GRM3: variants seen among roughly 807,000 people sequenced by gnomAD.
GRM3 encodes glutamate metabotropic receptor 3.
GRM3 carries 26 observed loss-of-function variants against 70.5 expected under a neutral mutation model. That is an observed-to-expected ratio of 0.37 (90% CI 0.27 to 0.51). GRM3 has a LOEUF of 0.51. GRM3 is among the 20% of genes least tolerant of loss of function. GRM3 has a pLI of 0.93. For missense variants in GRM3, 859 were observed against 1,123.8 expected, an observed-to-expected ratio of 0.76 and a Z score of 3.37; for synonymous variants, 443 against 434.9, an observed-to-expected ratio of 1.02 and a Z score of -0.23.
At chr7:86,767,057 A>T (rs1288196220) in intron 2 of GRM3, among the ~76,000 whole-genome samples, 1 of 151,962 alleles carries the variant, frequency 6.6e-6, no homozygotes, top group Non-Finnish European at 1.5e-5. Flanking sequence ...TCAAAAATAC[A>T]AAACATTAGC....
chr7:86,667,100 G>A (rs949759878), intron 1 of GRM3, among the ~76,000 whole-genome samples: 4 of 152,102 alleles, frequency 2.6e-5, no homozygotes, highest in Non-Finnish European at 4.4e-5. Context: ...TCAAAGACTT[G>A]TGGATCTTCT....
At chr7:86,785,821 A>C (rs1359829590) in intron 2 of GRM3, among the ~76,000 whole-genome samples, 1 of 150,012 alleles carries the variant, frequency 6.7e-6, no homozygotes, top group Non-Finnish European at 1.5e-5. Context: ...AAGAGGGGGA[A>C]GTGAGAATTA....
chr7:86,786,003 A>C lies in GRM3; in HGVS notation c.469-258A>C, dbSNP rs1797229237. 2 of 439,860 alleles carry C rather than the reference A, an allele frequency of 4.5e-6. No individual in the cohort carries two copies. Among genetic ancestry groups the C allele is most frequent in the Admixed American group, 7.3e-5 (2 of 27,420 alleles). 27.2% of individuals were successfully genotyped at this position (439,860 alleles called of 1,614,324 possible). A position where few individuals can be genotyped will look rare whatever the true frequency, so the allele number is the denominator to read the frequency against. ...GAGTCTAGCACAGAGTATAGAAGAG[A>C]GTGTGGTGCCCTTCTCATTTCTCTA... On this transcript the variant is annotated intron_variant, in intron 2 of 5. Coordinates refer to ENST00000361669, the MANE Select transcript of GRM3 (RefSeq NM_000840.3). This position sits in a 1 kb window ranked among gnomAD's most constrained non-coding sequence, Gnocchi z 6.0.
intron 3 of GRM3, among the ~76,000 whole-genome samples, chr7:86,787,839 T>A (rs1008100428): frequency 6.6e-6 from 1 of 152,230 alleles, no homozygotes; most frequent in Non-Finnish European, 1.5e-5. Context: ...AAAGTGATTT[T>A]TGCTGCCTCT....
chr7:86,755,865 C>T (rs1342736236), intron 1 of GRM3, among the ~76,000 whole-genome samples: 2 of 151,976 alleles, frequency 1.3e-5, no homozygotes, highest in East Asian at 3.9e-4. Flanking sequence ...GGTAGTGGAA[C>T]TTTTCTCACT....
chr7:86,706,980 T>C lies in GRM3; in HGVS notation c.-140-58026T>C, dbSNP rs1037619919. On this transcript the variant is annotated intron_variant, in intron 1 of 5. Coordinates refer to ENST00000361669, the MANE Select transcript of GRM3 (RefSeq NM_000840.3). Reference sequence around the variant, plus strand: ...TCAGTGAACGTTATAACATCGAACATATCTCTGCTGCTTTTTAAAATTTTC... The same window carrying C: ...TCAGTGAACGTTATAACATCGAACACATCTCTGCTGCTTTTTAAAATTTTC... Among the ~76,000 whole-genome samples the C allele has an allele frequency of 4.6e-5, 7 of 152,242 alleles. No individual in the cohort carries two copies. The South Asian group carries it at 1.2e-3, about 27-fold the overall frequency.
intron 1 of GRM3, among the ~76,000 whole-genome samples, chr7:86,717,129 A>G (rs905090276): frequency 6.6e-6 from 1 of 151,984 alleles, no homozygotes; most frequent in African/African-American, 2.4e-5. Context: ...GTCCCATTAT[A>G]AAATGCATCA....
At chr7:86,700,967 G>T (rs1794934748) in intron 1 of GRM3, among the ~76,000 whole-genome samples, 1 of 151,816 alleles carries the variant, frequency 6.6e-6, no homozygotes, top group African/African-American at 2.4e-5. Context: ...TTTAATGAAA[G>T]TCTAAATTTA....
intron 2 of GRM3, among the ~76,000 whole-genome samples, chr7:86,778,182 T>A (rs991066202): frequency 6.6e-6 from 1 of 152,228 alleles, no homozygotes; most frequent in South Asian, 2.1e-4. Context: ...ATGGTTTATT[T>A]TTTAAATGTA....
intron 1 of GRM3, among the ~76,000 whole-genome samples, chr7:86,653,883 G>A (rs140024904): frequency 1.1e-4 from 17 of 152,100 alleles, no homozygotes; most frequent in Admixed American, 4.6e-4. Flanking sequence ...AACTCTCCTC[G>A]ATTTGAATAA....
chr7:86,795,298 ATTTTATTTTATTTTATTT>A (rs1797523151), intron 3 of GRM3, among the ~76,000 whole-genome samples: 2 of 149,594 alleles, frequency 1.3e-5, no homozygotes, highest in South Asian at 4.2e-4. Flanking sequence ...ATTTTATTTT[ATTTTATTTTATTTTATTT>A]TATGTTCCAG....
At chr7:86,823,604 T>TGG (rs1798169952) in intron 3 of GRM3, among the ~76,000 whole-genome samples, 2 of 118,186 alleles carry the variant, frequency 1.7e-5, no homozygotes, top group Non-Finnish European at 1.8e-5. Context: ...TTTTTTTTTT[T>TGG]TGGCGGGGGG....
At chr7:86,680,010 G>T (rs187415168) in intron 1 of GRM3, among the ~76,000 whole-genome samples, 1 of 152,190 alleles carries the variant, frequency 6.6e-6, no homozygotes, top group African/African-American at 2.4e-5. Flanking sequence ...TCAAAATATA[G>T]ACTTGTCCTT....
At chr7:86,823,736 C>A (rs984780393) in intron 3 of GRM3, among the ~76,000 whole-genome samples, 4 of 151,794 alleles carry the variant, frequency 2.6e-5, no homozygotes, top group Non-Finnish European at 4.4e-5. Flanking sequence ...AATTTCAATT[C>A]TTGTTAACAA....
At chr7:86,783,291 T>G (rs995484180) in intron 2 of GRM3, among the ~76,000 whole-genome samples, 17 of 152,296 alleles carry the variant, frequency 1.1e-4, no homozygotes, top group African/African-American at 4.1e-4. Flanking sequence ...AGCCTCAGGT[T>G]TATAGTCACA....
Position 86,839,431 on chromosome 7 carries a change from C to G in GRM3, c.1917C>G (p.Val639=), listed in dbSNP as rs1412492847. 1 of 1,613,910 alleles carries G rather than the reference C, an allele frequency of 6.2e-7. No homozygotes were observed. The highest frequency in any genetic ancestry group is 1.3e-5 in the African/African-American group (1 of 75,034). ...TCTTCATTGCCAAGCCATCACCAGT[C>G]ATCTGTGCATTGCGCCGACTCGGGC... ...TFFFIAKPSP[V]ICALRRLGLG... is the part of the protein sequence containing the mutation. Residue 639 remains valine (V), a synonymous_variant, in exon 4 of 6, where the codon GTC becomes GTG. Transcript: ENST00000361669. This position sits in a 1 kb window ranked among gnomAD's most constrained non-coding sequence, Gnocchi z 4.5.
intron 2 of GRM3, among the ~76,000 whole-genome samples, chr7:86,771,385 A>G (rs1237718901): frequency 6.6e-6 from 1 of 152,096 alleles, no homozygotes; most frequent in Admixed American, 6.6e-5. Flanking sequence ...AGTCCAGTCA[A>G]TTGTTATTTC....
At chr7:86,810,069 T>C (rs901135086) in intron 3 of GRM3, among the ~76,000 whole-genome samples, 1 of 152,032 alleles carries the variant, frequency 6.6e-6, no homozygotes, top group Admixed American at 6.6e-5. Flanking sequence ...TAGTAAACTC[T>C]AATGATCCTC....
At chr7:86,751,116 G>T (rs570527901) in intron 1 of GRM3, among the ~76,000 whole-genome samples, 5 of 152,004 alleles carry the variant, frequency 3.3e-5, no homozygotes, top group South Asian at 2.1e-4. Context: ...AGGTATCACC[G>T]TGGGCAAGAC....
Sources: allele counts gnomAD v4.1 joint callset (sites outside exome capture counted in the v4.1 genomes callset), GRCh38; gene constraint gnomAD v4.1.1; non-coding constraint Gnocchi (gnomAD v3.1); transcripts MANE v1.5; gene names NCBI Gene and HGNC (gene_info 2026-07-23, HGNC 2026-07-21).